Variants in YES1 observed in about 807,000 individuals in gnomAD.
The protein encoded by YES1 is tyrosine-protein kinase Yes.
YES1 carries 39 observed loss-of-function variants against 70.4 expected under a neutral mutation model. That is an observed-to-expected ratio of 0.55 (90% CI 0.43 to 0.72). The LOEUF is 0.72. Ranked by LOEUF, YES1 falls within the 30% of genes least tolerant of loss-of-function variation. YES1 has a pLI of 0.00. For synonymous variants in YES1, 198 were observed against 218.6 expected, an observed-to-expected ratio of 0.91 and a Z score of 0.83; for missense variants, 495 against 644.8, an observed-to-expected ratio of 0.77 and a Z score of 2.52.
intron 1 of YES1, among the ~76,000 whole-genome samples, chr18:809,800 T>C (rs937522717): frequency 6.6e-6 from 1 of 151,876 alleles, no homozygotes; most frequent in Admixed American, 6.6e-5. Flanking sequence ...AAATAAAACA[T>C]AGAAACAGAT....
At chr18:735,520 C>T (rs905560478) in intron 10 of YES1, among the ~76,000 whole-genome samples, 33 of 152,058 alleles carry the variant, frequency 2.2e-4, no homozygotes, top group African/African-American at 8.0e-4. Flanking sequence ...GGATAAAAGA[C>T]TACATGTTGG....
At chr18:739,054 AC>A (rs1329500625) in intron 9 of YES1, 2 of 152,130 alleles carry the variant, frequency 1.3e-5, no homozygotes, top group Admixed American at 1.3e-4. Flanking sequence ...CGAACTCCTG[AC>A]CTCAAGTGAC....
At chr18:759,951 C>T (rs940471629) in intron 1 of YES1, among the ~76,000 whole-genome samples, 2 of 148,032 alleles carry the variant, frequency 1.4e-5, no homozygotes, top group South Asian at 2.2e-4. Flanking sequence ...TGAGTGAGAA[C>T]ATGCAGTGTT....
rs1024002613 is a variant in YES1 at position 812,150 on chromosome 18, C to A, written c.-45G>T. 38 of 152,832 alleles carry A rather than the reference C, an allele frequency of 2.5e-4. No homozygotes were observed. In the Admixed American group the frequency reaches 2.5e-3, roughly 10 times the overall value. 9.5% of individuals were successfully genotyped at this position (152,832 alleles called of 1,614,324 possible). ...CCGCGCTCTCATGAGTCGCTGCTAC[C>A]GCAGCTCGAGGTGGCGGAGGGCGGA... On this transcript the variant is annotated 5_prime_UTR_variant, in exon 1 of 12. Coordinates refer to ENST00000314574, the MANE Select transcript of YES1 (RefSeq NM_005433.4).
intron 1 of YES1, among the ~76,000 whole-genome samples, chr18:785,416 G>A (rs1046800659): frequency 2.2e-4 from 33 of 152,252 alleles, no homozygotes; most frequent in African/African-American, 7.7e-4. Context: ...CTGAGTGTTA[G>A]GGGGGAGAAA....
At chr18:757,546 C>T (rs905947995) in intron 1 of YES1, among the ~76,000 whole-genome samples, 3 of 150,060 alleles carry the variant, frequency 2.0e-5, no homozygotes, top group Admixed American at 6.6e-5. Context: ...GGGGGCCAGG[C>T]GCAGTGGCTC....
intron 6 of YES1, among the ~76,000 whole-genome samples, chr18:744,441 GT>G (rs774330229): frequency 3.3e-5 from 5 of 150,556 alleles, no homozygotes; most frequent in Non-Finnish European, 5.9e-5. Flanking sequence ...CCAGGATGGA[GT>G]GCAGTGGTGT....
At chr18:790,710 A>T (rs966383813) in intron 1 of YES1, among the ~76,000 whole-genome samples, 4 of 152,216 alleles carry the variant, frequency 2.6e-5, no homozygotes, top group Non-Finnish European at 5.9e-5. Flanking sequence ...AAAATTAATA[A>T]AAATAACTCA....
intron 11 of YES1, among the ~76,000 whole-genome samples, chr18:730,343 ATTT>A (rs59787531): frequency 4.4e-4 from 58 of 132,202 alleles, no homozygotes; most frequent in Middle Eastern, 3.9e-3. Flanking sequence ...ACCCAAGAGG[ATTT>A]TTTTTTTTTT....
chr18:730,045 T>C (rs1200238082), intron 11 of YES1, among the ~76,000 whole-genome samples: 4 of 152,232 alleles, frequency 2.6e-5, no homozygotes, highest in Admixed American at 2.6e-4. Flanking sequence ...GTTATCTTTT[T>C]CTGAAGGATG....
intron 1 of YES1, among the ~76,000 whole-genome samples, chr18:770,568 T>C (rs1440764380): frequency 3.9e-5 from 6 of 152,198 alleles, no homozygotes; most frequent in Non-Finnish European, 1.5e-5. Flanking sequence ...CTGCCTCAGC[T>C]TCCATAAATT....
At position 727,713 on chromosome 18, in the gene YES1, C is replaced by T. The variant is rs180904553; in HGVS notation, c.1424-3081G>A. Among the ~76,000 whole-genome samples the T allele has an allele frequency of 2.9e-3, 435 of 152,308 alleles. 2 individuals are homozygous for T. The highest frequency in any genetic ancestry group is 9.9e-3 in the African/African-American group (412 of 41,574). On this transcript the variant is annotated intron_variant, in intron 11 of 11. Coordinates refer to ENST00000314574, the MANE Select transcript of YES1 (RefSeq NM_005433.4). ...CTTAGAACGGTTTACCTCTTATTCC[C>T]TGACCCCCTCTACCCTTTGTGTTAC...
At chr18:751,656 G>A (rs1305452478) in intron 3 of YES1, 49 bp downstream of exon 3, 3 of 1,261,430 alleles carry the variant, frequency 2.4e-6, no homozygotes, top group Non-Finnish European at 3.5e-6. Flanking sequence ...CCTGTGTAAA[G>A]ACCAGATTTC....
intron 1 of YES1, among the ~76,000 whole-genome samples, chr18:768,925 A>T (rs1461109970): frequency 6.7e-6 from 1 of 150,248 alleles, no homozygotes; most frequent in Non-Finnish European, 1.5e-5. Flanking sequence ...CTGGTCTTGA[A>T]CTCCTGACCT....
intron 2 of YES1, among the ~76,000 whole-genome samples, chr18:752,788 C>A (rs2080358213): frequency 6.6e-6 from 1 of 151,906 alleles, no homozygotes; most frequent in South Asian, 2.1e-4. Context: ...ACTAAAAATA[C>A]AAAAATTAGC....
intron 1 of YES1, among the ~76,000 whole-genome samples, chr18:761,641 C>A (rs1257498968): frequency 6.6e-6 from 1 of 152,196 alleles, no homozygotes; most frequent in Non-Finnish European, 1.5e-5. Flanking sequence ...AACCTGTCCT[C>A]CAGCCTCATT....
At chr18:740,055 G>A (rs1271175392) in intron 8 of YES1, among the ~76,000 whole-genome samples, 1 of 152,124 alleles carries the variant, frequency 6.6e-6, no homozygotes, top group East Asian at 1.9e-4. Context: ...CCTGACAAGA[G>A]GCATTTTTTC....
At chr18:729,458 C>CT (rs148415047) in intron 11 of YES1, among the ~76,000 whole-genome samples, 14,543 of 146,964 alleles carry the variant, frequency 0.099, 873 homozygotes, top group Admixed American at 0.22. Context: ...CCATTTGATT[C>CT]TTTTTTTTTT....
At chr18:811,808 C>T (rs568326536) in intron 1 of YES1, among the ~76,000 whole-genome samples, 1 of 152,124 alleles carries the variant, frequency 6.6e-6, no homozygotes, top group Non-Finnish European at 1.5e-5. Flanking sequence ...GCGGTCCACA[C>T]GACCCCAAAG....
Sources: gnomAD v4.1 joint callset for allele counts (sites outside exome capture counted in the v4.1 genomes callset) on GRCh38, gnomAD v4.1.1 for gene constraint, MANE v1.5 for transcripts, NCBI Gene and HGNC (gene_info 2026-07-23, HGNC 2026-07-21) for gene names.